KIF6: variants seen among roughly 807,000 people sequenced by gnomAD.
KIF6 encodes the protein kinesin-like protein KIF6.
In KIF6, 106 loss-of-function variants were observed where a neutral mutation model predicts 112.7. The observed-to-expected ratio is 0.94, with a 90% CI of 0.80 to 1.11. KIF6 has a LOEUF of 1.11. Ranked by LOEUF, KIF6 falls within the 50% of genes least tolerant of loss-of-function variation. KIF6 has a pLI of 0.00. For synonymous variants in KIF6, 339 were observed against 339.9 expected (o/e 1.00, Z 0.03); for missense variants, 929 against 964.0 (o/e 0.96, Z 0.48).
intron 3 of KIF6, chr6:39,690,143 A>T (rs998414620): frequency 1.3e-5 from 2 of 152,220 alleles, no homozygotes; most frequent in African/African-American, 4.8e-5. Context: ...ATAATGTAAC[A>T]TTTACTAATA....
At chr6:39,549,446 G>A (rs1779250547) in intron 10 of KIF6, among the ~76,000 whole-genome samples, 1 of 152,144 alleles carries the variant, frequency 6.6e-6, no homozygotes, top group Non-Finnish European at 1.5e-5. Flanking sequence ...TCATAGGTGA[G>A]GAAACTGAAG....
intron 5 of KIF6, among the ~76,000 whole-genome samples, chr6:39,622,339 T>C (rs1046680843): frequency 6.6e-6 from 1 of 151,594 alleles, no homozygotes; most frequent in East Asian, 1.9e-4. Flanking sequence ...GCTTGCTTTT[T>C]AACTTTGATG....
At chr6:39,480,750 T>C (rs1302806126) in intron 13 of KIF6, among the ~76,000 whole-genome samples, 1 of 152,176 alleles carries the variant, frequency 6.6e-6, no homozygotes, top group African/African-American at 2.4e-5. Flanking sequence ...TATTGGTCTG[T>C]TAAGGATTTC....
At chr6:39,485,033 T>C (rs1348956439) in intron 13 of KIF6, among the ~76,000 whole-genome samples, 1 of 152,244 alleles carries the variant, frequency 6.6e-6, no homozygotes, top group African/African-American at 2.4e-5. Flanking sequence ...CTCCTTGGCC[T>C]GCATATTTCT....
At chr6:39,625,249 A>G (rs1306336511) in intron 5 of KIF6, among the ~76,000 whole-genome samples, 2 of 152,196 alleles carry the variant, frequency 1.3e-5, no homozygotes, top group Admixed American at 1.3e-4. Flanking sequence ...CTAATTGTCT[A>G]AGACATTTCT....
At chr6:39,441,515 G>A (rs928716439) in intron 13 of KIF6, among the ~76,000 whole-genome samples, 1 of 152,124 alleles carries the variant, frequency 6.6e-6, no homozygotes, top group African/African-American at 2.4e-5. Context: ...GGGTGATGGA[G>A]GTCACCACAG....
intron 1 of KIF6, among the ~76,000 whole-genome samples, chr6:39,723,868 A>G (rs140374944): frequency 1.9e-3 from 288 of 152,294 alleles, no homozygotes; most frequent in African/African-American, 6.4e-3. Flanking sequence ...CGTTCTGCAC[A>G]TGCACCCCAG....
At chr6:39,631,896 G>A in intron 5 of KIF6, among the ~76,000 whole-genome samples, 1 of 151,904 alleles carries the variant, frequency 6.6e-6, no homozygotes. Context: ...TAGGCCTAAA[G>A]ATTTCACTTT....
At position 39,344,587 on chromosome 6, in the gene KIF6, C is replaced by T. The variant is rs150552384; in HGVS notation, c.2322-772G>A. Reference sequence around the variant, plus strand: ...TCCCTGGACTGCCCTCCCCACCACCCGTCACATGGCGGCTGTGCTTTCTCT... The same window carrying T: ...TCCCTGGACTGCCCTCCCCACCACCTGTCACATGGCGGCTGTGCTTTCTCT... On this transcript the variant is annotated intron_variant, in intron 21 of 22. Transcript: ENST00000287152. Among the ~76,000 whole-genome samples, 778 of 152,234 alleles carry T rather than the reference C, an allele frequency of 5.1e-3. 6 individuals are homozygous for T. Among genetic ancestry groups the T allele is most frequent in the African/African-American group, 0.015 (615 of 41,540 alleles).
intron 4 of KIF6, among the ~76,000 whole-genome samples, chr6:39,637,849 G>C (rs190737662): frequency 6.6e-6 from 1 of 151,958 alleles, no homozygotes; most frequent in Non-Finnish European, 1.5e-5. Flanking sequence ...CAATGGGCTC[G>C]CTGCAAGTCC....
At chr6:39,567,021 C>T (rs971837597) in intron 10 of KIF6, among the ~76,000 whole-genome samples, 16 of 152,082 alleles carry the variant, frequency 1.1e-4, no homozygotes, top group African/African-American at 3.6e-4. Flanking sequence ...GGCACTTTTT[C>T]TTCCTGTGTG....
At chr6:39,474,615 A>C (rs1431373248) in intron 13 of KIF6, among the ~76,000 whole-genome samples, 1 of 152,198 alleles carries the variant, frequency 6.6e-6, no homozygotes, top group Non-Finnish European at 1.5e-5. Context: ...AAACATAATA[A>C]ATGGGCTAGA....
intron 13 of KIF6, among the ~76,000 whole-genome samples, chr6:39,448,183 T>A (rs1184486829): frequency 6.6e-6 from 1 of 151,624 alleles, no homozygotes; most frequent in African/African-American, 2.4e-5. Flanking sequence ...TTTTATTAAT[T>A]TTTTTTTTGA....
At chr6:39,432,805 T>C (rs1562212110) in intron 13 of KIF6, among the ~76,000 whole-genome samples, 1 of 152,150 alleles carries the variant, frequency 6.6e-6, no homozygotes, top group Non-Finnish European at 1.5e-5. Context: ...GCATGCCTTT[T>C]GCTACATAAT....
intron 19 of KIF6, among the ~76,000 whole-genome samples, chr6:39,348,705 A>G (rs34662105): frequency 0.055 from 8,423 of 152,254 alleles, 350 homozygotes; most frequent in African/African-American, 0.11. Flanking sequence ...TGGGTTGCCA[A>G]TCAGAGTGTT....
intron 13 of KIF6, among the ~76,000 whole-genome samples, chr6:39,476,602 A>C (rs1774441352): frequency 6.6e-6 from 1 of 152,168 alleles, no homozygotes; most frequent in African/African-American, 2.4e-5. Flanking sequence ...GTCTTATTTT[A>C]TCTCTCTTCC....
At chr6:39,693,748 G>A (rs1201211410) in intron 3 of KIF6, among the ~76,000 whole-genome samples, 1 of 151,918 alleles carries the variant, frequency 6.6e-6, no homozygotes, top group African/African-American at 2.4e-5. Context: ...GTACAAAGAA[G>A]AGCTGGTACC....
intron 3 of KIF6, among the ~76,000 whole-genome samples, chr6:39,703,570 T>C (rs1268011495): frequency 6.6e-6 from 1 of 152,194 alleles, no homozygotes; most frequent in Non-Finnish European, 1.5e-5. Flanking sequence ...TTTGTTCCTA[T>C]TATTTAGCAA....
At chr6:39,696,962 C>A (rs1486201217) in intron 3 of KIF6, among the ~76,000 whole-genome samples, 1 of 152,066 alleles carries the variant, frequency 6.6e-6, no homozygotes, top group Non-Finnish European at 1.5e-5. Context: ...TTAGATGCCA[C>A]AGGTACAGCC....
Sources: gnomAD v4.1 joint callset for allele counts (sites outside exome capture counted in the v4.1 genomes callset) on GRCh38, gnomAD v4.1.1 for gene constraint, MANE v1.5 for transcripts, NCBI Gene and HGNC (gene_info 2026-07-23, HGNC 2026-07-21) for gene names.